GCN1: variants seen among roughly 807,000 people sequenced by gnomAD.
GCN1 encodes stalled ribosome sensor GCN1.
GCN1 carries 90 observed loss-of-function variants against 288.4 expected under a neutral mutation model. The observed-to-expected ratio is 0.31, with a 90% CI of 0.26 to 0.37. GCN1 has a LOEUF of 0.37. Ranked by LOEUF, GCN1 falls within the 10% of genes least tolerant of loss-of-function variation. The probability of loss-of-function intolerance (pLI) is 1.00; values close to 1 mark genes in which losing one functional copy is unlikely to be tolerated. For synonymous variants in GCN1, 1,386 were observed against 1,420.2 expected (o/e 0.98, Z 0.54); for missense variants, 2,586 against 3,419.9 (o/e 0.76, Z 6.08).
At chr12:120,157,808 T>G (rs767795985) in intron 26 of GCN1, 41 bp downstream of exon 26, 1 of 1,548,482 alleles carries the variant, frequency 6.5e-7, no homozygotes, top group Non-Finnish European at 8.9e-7. Context: ...GCCTCCCTGA[T>G]CCCCTTTAAA....
intron 6 of GCN1, 35 bp from the exon 7 acceptor site, chr12:120,178,794 G>C (rs755365565): frequency 6.2e-7 from 1 of 1,613,994 alleles, no homozygotes; most frequent in Admixed American, 1.7e-5. Flanking sequence ...TGTTTAAGAT[G>C]GCAGTGGGGG....
At position 120,142,836 on chromosome 12, in the gene GCN1, G is replaced by C. The variant is rs773889276; in HGVS notation, c.5601C>G (p.Ala1867=). 1 of 1,611,326 alleles carries C rather than the reference G, an allele frequency of 6.2e-7. No individual in the cohort carries two copies. Among genetic ancestry groups the C allele is most frequent in the Non-Finnish European group, 8.5e-7 (1 of 1,177,408 alleles). ...TASEDDNFGT[A]QSNKAIITAL... ...CCACTGCAGGCACCTTGTTGGACTG[G>C]GCAGTTCCAAAGTTATCATCCTCAG... The change falls in exon 43 of 58, where the codon GCC becomes GCG. Residue 1867 remains alanine (A), a synonymous_variant. Coordinates refer to ENST00000300648, the MANE Select transcript of GCN1 (RefSeq NM_006836.2). The surrounding 1 kb of genome is among the most constrained non-coding windows in gnomAD (Gnocchi z 4.9).
At chr12:120,140,536 A>G (rs1317227913) in intron 45 of GCN1, among the ~76,000 whole-genome samples, 1 of 152,096 alleles carries the variant, frequency 6.6e-6, no homozygotes, top group Non-Finnish European at 1.5e-5. Context: ...ACACATTTTA[A>G]CTGGACTTAT....
chr12:120,155,338 G>A lies in GCN1; in HGVS notation c.3533C>T (p.Ala1178Val). Residue 1178 changes from alanine to valine, a missense_variant, in exon 30 of 58, where the codon GCA (alanine) becomes GTA (valine). Around this residue, in one of 8 missense-constraint regions of GCN1, gnomAD observed 332 missense variants for 403.0 expected, o/e 0.82. Transcript: ENST00000300648. This position sits in a 1 kb window ranked among gnomAD's most constrained non-coding sequence, Gnocchi z 4.9. ...VIYHEAAVRQ[A>V]GAEALSQAVA... ...TGCTTGGGAGAGGGCTTCGGCCCCT[G>A]CCTGCCTTACAGCCGCCTCATGATA... 6.2e-7 allele frequency: 1 copy of A among 1,614,120 alleles called. No individual in the cohort carries two copies. Among genetic ancestry groups the A allele is most frequent in the Non-Finnish European group, 8.5e-7 (1 of 1,179,994 alleles).
chr12:120,194,634 C>G (rs916131518), intron 1 of GCN1, 46 bp downstream of exon 1: 3 of 1,504,452 alleles, frequency 2.0e-6, no homozygotes, highest in African/African-American at 2.9e-5. Context: ...GGCCACCGTC[C>G]GCACCCAGTC....
Position 120,178,657 on chromosome 12 carries a change from GACTCGTGCAGA to G in GCN1, c.617_627del (p.Phe206SerfsTer36). On this transcript the variant is annotated frameshift_variant, in exon 7 of 58. Transcript: ENST00000300648. LOFTEE classifies it high-confidence loss of function. ...TGACTGACCACGTCCATCTCCTTGT[GACTCGTGCAGA>G]ACTGCACCAGCAGCCCCAGCATGCC... is the stretch of plus-strand genomic sequence containing the variant. 6.2e-7 allele frequency: 1 copy of G among 1,614,214 alleles called. No homozygotes were observed. Among genetic ancestry groups the G allele is most frequent in the Non-Finnish European group, 8.5e-7 (1 of 1,180,030 alleles).
rs768425858 is a variant in GCN1 at position 120,137,195 on chromosome 12, C to A, written c.6777+11G>T. 6.3e-6 allele frequency: 10 copies of A among 1,599,262 alleles called. No individual in the cohort carries two copies. The South Asian group carries it at 1.1e-4, about 18-fold the overall frequency. On this transcript the variant is annotated intron_variant, in intron 50 of 57. Transcript: ENST00000300648. The surrounding 1 kb of genome is among the most constrained non-coding windows in gnomAD (Gnocchi z 5.2). The stretch of plus-strand genomic sequence containing the variant: ...CACGCCCACAGCCCCCTGCACGAGG[C>A]CCTGGCTTACCTTCTTCGGGAGGCA...
chr12:120,134,465 G>A lies in GCN1; in HGVS notation c.7203-60C>T. The A allele has an allele frequency of 6.3e-7, 1 of 1,591,226 alleles. No homozygotes were observed. The highest frequency in any genetic ancestry group is 2.2e-5 in the East Asian group (1 of 44,682). ...GCCTCCACCACCACCCCTCCTGCCA[G>A]CGCAGGCTCGGCCCACAGCAACCCC... On this transcript the variant is annotated intron_variant, in intron 52 of 57. Transcript: ENST00000300648. This position sits in a 1 kb window ranked among gnomAD's most constrained non-coding sequence, Gnocchi z 5.0.
intron 15 of GCN1, among the ~76,000 whole-genome samples, chr12:120,169,151 C>T (rs1255320314): frequency 2.0e-5 from 3 of 151,944 alleles, no homozygotes; most frequent in Middle Eastern, 3.4e-3. Flanking sequence ...AAAAATTAGC[C>T]GCGCGTGGCG....
Position 120,144,675 on chromosome 12 carries a change from A to T in GCN1, c.5316T>A (p.Thr1772=). The T allele has an allele frequency of 6.2e-7, 1 of 1,614,166 alleles. No homozygotes were observed. Among genetic ancestry groups the T allele is most frequent in the Non-Finnish European group, 8.5e-7 (1 of 1,179,970 alleles). The change falls in exon 41 of 58, where the codon ACT becomes ACA. Residue 1772 remains threonine (T), a synonymous_variant. Coordinates refer to ENST00000300648, the MANE Select transcript of GCN1 (RefSeq NM_006836.2). This position sits in a 1 kb window ranked among gnomAD's most constrained non-coding sequence, Gnocchi z 4.7. ...YLPITFGDKF[T]PYVGPIIPCI... is the part of the protein sequence containing the mutation. ...AGGGGATGATGGGCCCCACATAAGG[A>T]GTAAACTTGTCTCCAAAGGTGATGG...
In GCN1 at chr12:120,144,045, C is replaced by A. The variant is rs964911572; in HGVS notation, c.5495+261G>T. 1.3e-5 allele frequency among the ~76,000 whole-genome samples: 2 copies of A among 152,156 alleles called. No homozygotes were observed. Among genetic ancestry groups the A allele is most frequent in the Non-Finnish European group, 2.9e-5 (2 of 68,024 alleles). On this transcript the variant is annotated intron_variant, in intron 42 of 57. Coordinates refer to ENST00000300648, the MANE Select transcript of GCN1 (RefSeq NM_006836.2). This position sits in a 1 kb window ranked among gnomAD's most constrained non-coding sequence, Gnocchi z 4.7. ...AGGTTGGAGTGCAGTGGCACAATCT[C>A]GGCTCACTGCAACCTCTACCTCTGG...
intron 10 of GCN1, 124 bp from the exon 11 acceptor site, chr12:120,175,998 G>C (rs1399605188): frequency 4.4e-6 from 6 of 1,365,118 alleles, no homozygotes; most frequent in Non-Finnish European, 6.2e-6. Flanking sequence ...ATAATCTCAA[G>C]AAAGAAACTG....
chr12:120,184,105 C>T lies in GCN1; in HGVS notation c.317+7G>A. 1.2e-6 allele frequency: 2 copies of T among 1,610,152 alleles called. No homozygotes were observed. Among genetic ancestry groups the T allele is most frequent in the Middle Eastern group, 1.7e-4 (1 of 6,036 alleles). ...ATTCTCAGGGGGCCACAACTTTTAC[C>T]TCTTACCTGGGAACACCTGCTTTGG... On this transcript the variant is annotated splice_region_variant and intron_variant, in intron 4 of 57. Coordinates refer to ENST00000300648, the MANE Select transcript of GCN1 (RefSeq NM_006836.2).
chr12:120,173,862 T>A (rs1217715010), intron 13 of GCN1, 36 bp from the exon 14 acceptor site: 5 of 1,562,722 alleles, frequency 3.2e-6, no homozygotes, highest in Non-Finnish European at 4.4e-6. Flanking sequence ...CAGTCCAATG[T>A]CTTATAACCA....
At chr12:120,157,046 C>T in intron 26 of GCN1, 54 bp from the exon 27 acceptor site, 1 of 1,259,828 alleles carries the variant, frequency 7.9e-7, no homozygotes, top group African/African-American at 1.5e-5. Context: ...GTCTGTAACC[C>T]AGGCGGCCAA....
At position 120,175,118 on chromosome 12, in the gene GCN1, C is replaced by T. The variant is rs372775847; in HGVS notation, c.1093+44G>A. On this transcript the variant is annotated intron_variant, in intron 12 of 57. Transcript: ENST00000300648. ...CTCTATCCTAGATGACACAGCAAGACTTTCTCTCAAAAAAAAAAAAAAAAA... is the reference window on the plus strand; with the variant it reads ...CTCTATCCTAGATGACACAGCAAGATTTTCTCTCAAAAAAAAAAAAAAAAA... The T allele has an allele frequency of 8.2e-6, 12 of 1,470,672 alleles. No homozygotes were observed. In the African/African-American group the frequency reaches 1.8e-4, roughly 22 times the overall value. 91.1% of individuals were successfully genotyped at this position (1,470,672 alleles called of 1,614,324 possible).
chr12:120,194,607 G>A, intron 1 of GCN1, 73 bp downstream of exon 1: 6 of 1,383,828 alleles, frequency 4.3e-6, no homozygotes, highest in South Asian at 3.8e-5. Context: ...CGAGGAGCGA[G>A]AGGGGCCCCG....
At chr12:120,189,473 C>T (rs954184594) in intron 2 of GCN1, among the ~76,000 whole-genome samples, 4 of 151,966 alleles carry the variant, frequency 2.6e-5, no homozygotes, top group Non-Finnish European at 4.4e-5. Flanking sequence ...AGCAATTCTC[C>T]TGCCTCAGCC....
At chr12:120,152,410 C>A (rs1594269954) in intron 33 of GCN1, among the ~76,000 whole-genome samples, 2 of 128,946 alleles carry the variant, frequency 1.6e-5, no homozygotes, top group Non-Finnish European at 3.2e-5. Context: ...CACACACACA[C>A]AAAATATATA....
Sources: gnomAD v4.1 joint callset for allele counts (sites outside exome capture counted in the v4.1 genomes callset) on GRCh38, gnomAD v4.1.1 for gene constraint, gnomAD v4.1.1 regional missense constraint, Gnocchi (gnomAD v3.1) non-coding constraint, MANE v1.5 for transcripts, NCBI Gene and HGNC (gene_info 2026-07-23, HGNC 2026-07-21) for gene names.